The following RBAK variants were observed in gnomAD, a reference collection of about 807,000 sequenced individuals.
RBAK encodes RB-associated KRAB zinc finger protein.
Under a neutral mutation model 65.8 loss-of-function variants are expected in RBAK, and 39 were observed. The ratio of observed to expected loss-of-function variants is 0.59; its 90% confidence interval spans 0.46 to 0.77. The LOEUF (loss-of-function observed/expected upper bound fraction) is 0.77. Among genes scored for constraint, RBAK ranks in the 30% least tolerant of loss-of-function variants. The pLI is 0.00. For synonymous variants in RBAK, 343 were observed against 289.7 expected (o/e 1.18, Z -1.87); for missense variants, 884 against 855.1 (o/e 1.03, Z -0.42).
intron 2 of RBAK, among the ~76,000 whole-genome samples, chr7:5,052,244 A>G (rs889005799): frequency 2.6e-4 from 40 of 152,100 alleles, no homozygotes; most frequent in South Asian, 6.2e-4. Context: ...TTGCATCTTT[A>G]TATCTAAAGT....
At chr7:5,058,513 A>T (rs1051231167) in intron 4 of RBAK, among the ~76,000 whole-genome samples, 10 of 151,918 alleles carry the variant, frequency 6.6e-5, no homozygotes, top group African/African-American at 2.4e-4. Flanking sequence ...CCTCGATTTT[A>T]TTTACTTCTT....
intron 4 of RBAK, among the ~76,000 whole-genome samples, chr7:5,060,373 A>G (rs545371109): frequency 6.6e-6 from 1 of 152,340 alleles, no homozygotes; most frequent in Admixed American, 6.5e-5. Context: ...TTTAATTTCT[A>G]TTCAGAGAGA....
chr7:5,064,639 C>T lies in RBAK; in HGVS notation c.1183C>T (p.His395Tyr). Residue 395 changes from histidine to tyrosine, a missense_variant, in exon 5 of 5, where the codon CAC becomes TAC. Coordinates refer to ENST00000396912, the MANE Select transcript of RBAK (RefSeq NM_021163.4). This position sits in a 1 kb window ranked among gnomAD's most constrained non-coding sequence, Gnocchi z 6.3. ...KSALSDHQRT[H>Y]TGEKLYKCNE... ...TGCTCTCAGTGACCATCAGAGAACT[C>T]ACACGGGAGAGAAGCTTTATAAATG... 1 of 1,612,474 alleles carries T rather than the reference C, an allele frequency of 6.2e-7. No individual in the cohort carries two copies. Among genetic ancestry groups the T allele is most frequent in the Non-Finnish European group, 8.5e-7 (1 of 1,178,756 alleles).
At chr7:5,058,696 CT>C (rs1778990880) in intron 4 of RBAK, among the ~76,000 whole-genome samples, 1 of 152,200 alleles carries the variant, frequency 6.6e-6, no homozygotes, top group Non-Finnish European at 1.5e-5. Context: ...TTCATTTCCC[CT>C]TCCCCATAAC....
intron 1 of RBAK, among the ~76,000 whole-genome samples, chr7:5,047,151 C>T (rs1186402383): frequency 6.6e-6 from 1 of 152,142 alleles, no homozygotes; most frequent in East Asian, 1.9e-4. Flanking sequence ...GTAATCCCAG[C>T]ACTTTGCGGG....
chr7:5,054,782 TTG>T (rs1788189032), intron 2 of RBAK, among the ~76,000 whole-genome samples: 1 of 152,176 alleles, frequency 6.6e-6, no homozygotes, highest in Admixed American at 6.5e-5. Context: ...TGAGCTGTTT[TTG>T]ATTTTCTTCC....
In RBAK at chr7:5,057,761, C is replaced by G. The variant is rs141797069; in HGVS notation, c.220C>G (p.Pro74Ala). 1.0e-3 allele frequency: 1,690 copies of G among 1,613,858 alleles called. 24 individuals are homozygous for G. In the African/African-American group the frequency reaches 0.02, roughly 19 times the overall value. The change falls in exon 4 of 5, where the codon CCA (proline) becomes GCA (alanine). Residue 74 changes from proline (P) to alanine (A), a missense_variant. Transcript: ENST00000396912. ...EEPWIMGGEF[P>A]CQHSPEAWRV... ...GCCGTGGATAATGGGAGGTGAATTT[C>G]CATGTCAACATAGTCCAGGTAAGTT...
In RBAK at chr7:5,067,972, T is replaced by G. The variant is rs533754490; in HGVS notation, c.*2371T>G. The G allele has an allele frequency of 6.6e-6, 1 of 152,122 alleles. No homozygotes were observed. The highest frequency in any genetic ancestry group is 2.4e-5 in the African/African-American group (1 of 41,416). 9.4% of individuals were successfully genotyped at this position (152,122 alleles called of 1,614,324 possible). ...CTTAGGACAGTTTGTAATCTTGGAG[T>G]AAGCAAAGGTTTATTGAGACCCAAA... On this transcript the variant is annotated 3_prime_UTR_variant, in exon 5 of 5. Transcript: ENST00000396912.
intron 4 of RBAK, among the ~76,000 whole-genome samples, chr7:5,059,365 G>C (rs1458310775): frequency 6.6e-6 from 1 of 151,736 alleles, no homozygotes; most frequent in Admixed American, 6.6e-5. Context: ...TTGTCGCCCA[G>C]GCTGGAGTGC....
At chr7:5,061,703 G>C (rs1779076699) in intron 4 of RBAK, among the ~76,000 whole-genome samples, 1 of 151,676 alleles carries the variant, frequency 6.6e-6, no homozygotes, top group Admixed American at 6.6e-5. Context: ...TTCAAGACCA[G>C]TCTGGGCAAC....
At chr7:5,050,107 G>A (rs1231362695) in intron 2 of RBAK, among the ~76,000 whole-genome samples, 1 of 152,198 alleles carries the variant, frequency 6.6e-6, no homozygotes, top group Non-Finnish European at 1.5e-5. Context: ...AAAGTGCTAG[G>A]ATTACAGGTG....
chr7:5,063,495 G>A (rs1779129161), intron 4 of RBAK, among the ~76,000 whole-genome samples, 200 bp from the exon 5 acceptor site: 1 of 151,936 alleles, frequency 6.6e-6, no homozygotes, highest in South Asian at 2.1e-4. Flanking sequence ...GTGTGTGTGT[G>A]TGTGTGTGTG....
Position 5,048,127 on chromosome 7 carries a change from T to G in RBAK, c.15+36T>G. ...ATGCTTGTGTATATGTTCCTCAACT[T>G]TATTTTATGATGCATTTTAAGAGGT... On this transcript the variant is annotated intron_variant, in intron 2 of 4. Transcript: ENST00000396912. This position sits in a 1 kb window ranked among gnomAD's most constrained non-coding sequence, Gnocchi z 4.4. 1 of 1,580,518 alleles carries G rather than the reference T, an allele frequency of 6.3e-7. No individual in the cohort carries two copies. The highest frequency in any genetic ancestry group is 8.6e-7 in the Non-Finnish European group (1 of 1,168,886).
rs1466573371 is a variant in RBAK, at chr7:5,066,216, G to A, written c.*615G>A. The A allele has an allele frequency of 2.6e-5, 4 of 152,506 alleles. No homozygotes were observed. The highest frequency in any genetic ancestry group is 5.9e-5 in the Non-Finnish European group (4 of 68,004). 9.4% of individuals were successfully genotyped at this position (152,506 alleles called of 1,614,324 possible). ...TATTTGAGTATTAGGATGGCAAAAT[G>A]TATTAAGACAGGACATATTGTTGGT... is the stretch of plus-strand genomic sequence containing the variant. On this transcript the variant is annotated 3_prime_UTR_variant, in exon 5 of 5. Coordinates refer to ENST00000396912, the MANE Select transcript of RBAK (RefSeq NM_021163.4).
intron 4 of RBAK, among the ~76,000 whole-genome samples, chr7:5,063,324 G>A (rs190792814): frequency 9.2e-5 from 14 of 152,234 alleles, no homozygotes; most frequent in Non-Finnish European, 1.6e-4. Context: ...TGGATCTGAC[G>A]TACTTTCAAC....
chr7:5,047,557 CAA>C (rs1261106765), intron 1 of RBAK, among the ~76,000 whole-genome samples: 1 of 147,786 alleles, frequency 6.8e-6, no homozygotes, highest in Non-Finnish European at 1.5e-5. Context: ...CTTAGAGTTA[CAA>C]AGTTACAAGT....
rs369085898 is a variant in RBAK at position 5,046,093 on chromosome 7, G to T, written c.-348G>T. ...GGCGGCGCTGGGGCCAGAGGGGCCG[G>T]ACGGGAGGTGGCGGAGGTGGCGGCG... On this transcript the variant is annotated 5_prime_UTR_variant, in exon 1 of 5. Coordinates refer to ENST00000396912, the MANE Select transcript of RBAK (RefSeq NM_021163.4). The T allele has an allele frequency of 6.4e-5, 20 of 312,724 alleles. 1 individual carries two copies. The highest frequency in any genetic ancestry group is 4.5e-4 in the African/African-American group (19 of 42,582). The allele number at this position is 312,724 out of a possible 1,614,324, so 19.4% of individuals were successfully genotyped here. A position where few individuals can be genotyped will look rare whatever the true frequency, so the allele number is the denominator to read the frequency against.
rs1307086114 is a variant in RBAK, at chr7:5,045,969, C to CG, written c.-469dup. ...CCTGCGGGGCTGGAGGTTGAGCGCC[C>CG]GGGCCAGCACCTAGGCGGGCGCGGG... is the stretch of plus-strand genomic sequence containing the variant. On this transcript the variant is annotated 5_prime_UTR_variant, in exon 1 of 5. Transcript: ENST00000396912. 3.3e-6 allele frequency: 1 copy of CG among 305,214 alleles called. No individual in the cohort carries two copies. The highest frequency in any genetic ancestry group is 1.5e-4 in the East Asian group (1 of 6,494). 18.9% of individuals were successfully genotyped at this position (305,214 alleles called of 1,614,324 possible). A position where few individuals can be genotyped will look rare whatever the true frequency, so the allele number is the denominator to read the frequency against.
At chr7:5,057,876 A>G (rs761141692) in intron 4 of RBAK, 97 bp downstream of exon 4, 35 of 1,218,774 alleles carry the variant, frequency 2.9e-5, no homozygotes, top group Non-Finnish European at 3.8e-5. Context: ...CCTCAGTAAC[A>G]CCTCCCAACC....
Sources: allele counts gnomAD v4.1 joint callset (sites outside exome capture counted in the v4.1 genomes callset), GRCh38; gene constraint gnomAD v4.1.1; non-coding constraint Gnocchi (gnomAD v3.1); transcripts MANE v1.5; gene names NCBI Gene and HGNC (gene_info 2026-07-23, HGNC 2026-07-21).